RGS7: variants seen among roughly 807,000 people sequenced by gnomAD.
The protein encoded by RGS7 is regulator of G protein signaling 7.
Under a neutral mutation model 81.1 loss-of-function variants are expected in RGS7, and 27 were observed. The observed-to-expected ratio is 0.33, with a 90% CI of 0.25 to 0.46. The LOEUF (loss-of-function observed/expected upper bound fraction) is 0.46. Ranked by LOEUF, RGS7 falls within the 20% of genes least tolerant of loss-of-function variation. The pLI is 1.00. For missense variants in RGS7, 396 were observed against 607.4 expected, an observed-to-expected ratio of 0.65 and a Z score of 3.66; for synonymous variants, 208 against 207.7, an observed-to-expected ratio of 1.00 and a Z score of -0.01.
chr1:240,872,805 A>G (rs1366948012), intron 6 of RGS7, among the ~76,000 whole-genome samples: 1 of 152,192 alleles, frequency 6.6e-6, no homozygotes, highest in Non-Finnish European at 1.5e-5. Flanking sequence ...CAGGCTGGGC[A>G]CATTGGCTCA....
intron 2 of RGS7, among the ~76,000 whole-genome samples, chr1:241,198,780 C>T (rs889254255): frequency 8.5e-5 from 13 of 152,226 alleles, no homozygotes; most frequent in Admixed American, 5.2e-4. Context: ...ACCAATCTTA[C>T]GTTAAGTTCT....
At chr1:241,136,867 T>A (rs1268353040) in intron 2 of RGS7, among the ~76,000 whole-genome samples, 1 of 152,202 alleles carries the variant, frequency 6.6e-6, no homozygotes, top group Admixed American at 6.5e-5. Context: ...AAATGTGTAA[T>A]TTTCATATGT....
At chr1:241,220,252 A>C (rs2074814491) in intron 2 of RGS7, among the ~76,000 whole-genome samples, 1 of 152,220 alleles carries the variant, frequency 6.6e-6, no homozygotes, top group Non-Finnish European at 1.5e-5. Context: ...TCTTGGCCTA[A>C]GTAAGGAATT....
intron 3 of RGS7, among the ~76,000 whole-genome samples, chr1:241,010,410 C>T (rs1463000376): frequency 6.6e-6 from 1 of 152,170 alleles, no homozygotes. Flanking sequence ...TGTTTAGCAA[C>T]ATATGCTTTC....
At chr1:240,818,351 G>A (rs1691189268) in intron 10 of RGS7, among the ~76,000 whole-genome samples, 1 of 151,726 alleles carries the variant, frequency 6.6e-6, no homozygotes, top group Non-Finnish European at 1.5e-5. Flanking sequence ...CCAGTGGAAG[G>A]GAAAGAAGTT....
intron 2 of RGS7, among the ~76,000 whole-genome samples, chr1:241,278,218 C>T (rs1364620099): frequency 6.6e-6 from 1 of 152,142 alleles, no homozygotes; most frequent in African/African-American, 2.4e-5. Flanking sequence ...ATTGCTTCAC[C>T]ACATTTTTCA....
chr1:241,263,697 C>A (rs2077452275), intron 2 of RGS7, among the ~76,000 whole-genome samples: 1 of 152,174 alleles, frequency 6.6e-6, no homozygotes, highest in Non-Finnish European at 1.5e-5. Flanking sequence ...ATGAAAACAT[C>A]AAATTGGATC....
intron 18 of RGS7, among the ~76,000 whole-genome samples, chr1:240,799,072 G>T (rs3932692): frequency 0.53 from 80,360 of 152,008 alleles, 23,619 homozygotes; most frequent in Non-Finnish European, 0.66. Flanking sequence ...TGCCGACCAT[G>T]AAGTTATAAA....
intron 2 of RGS7, among the ~76,000 whole-genome samples, chr1:241,170,632 T>A (rs2070663871): frequency 6.6e-6 from 1 of 152,236 alleles, no homozygotes; most frequent in South Asian, 2.1e-4. Flanking sequence ...AGAGGCAGAC[T>A]GGCAGAGCAA....
chr1:241,148,561 G>A (rs2068522007), intron 2 of RGS7, among the ~76,000 whole-genome samples: 1 of 152,160 alleles, frequency 6.6e-6, no homozygotes, highest in Non-Finnish European at 1.5e-5. Context: ...ATAATTAGTT[G>A]AAATATAAAT....
intron 9 of RGS7, among the ~76,000 whole-genome samples, chr1:240,842,525 GTAAACAAGTTGAAC>G (rs1234023628): frequency 1.3e-5 from 2 of 151,996 alleles, no homozygotes; most frequent in East Asian, 3.9e-4. Flanking sequence ...GCTTATGAAA[GTAAACAAGTTGAAC>G]TATACTGAAT....
At chr1:241,103,600 G>A (rs1019430890) in intron 2 of RGS7, among the ~76,000 whole-genome samples, 1 of 152,156 alleles carries the variant, frequency 6.6e-6, no homozygotes. Context: ...GGCCAGGCTC[G>A]GTGGCTCACG....
intron 4 of RGS7, among the ~76,000 whole-genome samples, chr1:240,968,467 G>A (rs1682688570): frequency 6.6e-6 from 1 of 152,020 alleles, no homozygotes; most frequent in Non-Finnish European, 1.5e-5. Flanking sequence ...CAAAGCCCAG[G>A]TATTAGTGAG....
chr1:241,129,504 T>G (rs546726230), intron 2 of RGS7, among the ~76,000 whole-genome samples: 58 of 152,306 alleles, frequency 3.8e-4, no homozygotes, highest in African/African-American at 1.3e-3. Flanking sequence ...TTACTTTTCC[T>G]TCCTCTAACT....
intron 3 of RGS7, among the ~76,000 whole-genome samples, chr1:241,076,494 TA>T (rs1184733610): frequency 1.3e-5 from 2 of 152,208 alleles, no homozygotes; most frequent in East Asian, 3.9e-4. Context: ...TGAAGCTAGA[TA>T]TACAACATTC....
chr1:240,977,025 T>C (rs1231858658), intron 4 of RGS7, among the ~76,000 whole-genome samples: 1 of 148,072 alleles, frequency 6.8e-6, no homozygotes, highest in African/African-American at 2.6e-5. Context: ...CTATCATTTA[T>C]CTATCTATCA....
In RGS7 at chr1:241,113,862, T is replaced by C. The variant is rs146533087; in HGVS notation, c.79-15100A>G. Among the ~76,000 whole-genome samples the C allele has an allele frequency of 4.4e-3, 673 of 152,334 alleles. 10 individuals are homozygous for C. In the East Asian group the frequency reaches 0.053, roughly 12 times the overall value. On this transcript the variant is annotated intron_variant, in intron 2 of 18. Transcript: ENST00000440928. ...AAGAGTGCAACACTTGGAAATGAGG[T>C]GTCTTCTTTTCTCTGGAGCTATTAA...
chr1:240,913,434 A>T (rs1446610998), intron 6 of RGS7, among the ~76,000 whole-genome samples: 1 of 152,150 alleles, frequency 6.6e-6, no homozygotes, highest in African/African-American at 2.4e-5. Flanking sequence ...AATGACAAAA[A>T]CTTGGAATAT....
chr1:240,934,327 T>C (rs1676224325), intron 5 of RGS7, among the ~76,000 whole-genome samples: 1 of 152,208 alleles, frequency 6.6e-6, no homozygotes, highest in Non-Finnish European at 1.5e-5. Context: ...CATCCCAACT[T>C]TTCTACTTTA....
Sources: gnomAD v4.1 joint callset for allele counts (sites outside exome capture counted in the v4.1 genomes callset) on GRCh38, gnomAD v4.1.1 for gene constraint, MANE v1.5 for transcripts, NCBI Gene and HGNC (gene_info 2026-07-23, HGNC 2026-07-21) for gene names.